Variants in OR10H5 observed in about 807,000 individuals in gnomAD.
OR10H5 encodes the protein olfactory receptor 10H5.
OR10H5 carries 7 observed loss-of-function variants against 12.2 expected under a neutral mutation model. The observed-to-expected ratio is 0.57, with a 90% confidence interval of 0.33 to 1.07. The LOEUF is 1.07. Among genes scored for constraint, OR10H5 ranks in the 50% least tolerant of loss-of-function variants. The pLI, the probability that OR10H5 is intolerant of heterozygous loss-of-function variation, is 0.04. For missense variants in OR10H5, 346 were observed against 411.6 expected, an observed-to-expected ratio of 0.84 and a Z score of 1.38; for synonymous variants, 159 against 175.1, an observed-to-expected ratio of 0.91 and a Z score of 0.73.
Position 15,794,998 on chromosome 19 carries a change from ATGGCTGACTT to A in OR10H5, c.*4_*13del. The A allele has an allele frequency of 1.2e-6, 2 of 1,612,692 alleles. No individual in the cohort carries two copies. The highest frequency in any genetic ancestry group is 1.7e-6 in the Non-Finnish European group (2 of 1,179,262). ...AAACTCTTTCCACAGAACTGCTGAA[ATGGCTGACTT>A]TCTCTCAAGAGATGTAGCGAATGGG... On this transcript the variant is annotated 3_prime_UTR_variant, in exon 2 of 2. Coordinates refer to ENST00000642092, the MANE Select transcript of OR10H5 (RefSeq NM_001004466.2).
intron 1 of OR10H5, among the ~76,000 whole-genome samples, chr19:15,790,963 T>G (rs983981806): frequency 6.6e-6 from 1 of 151,984 alleles, no homozygotes; most frequent in Non-Finnish European, 1.5e-5. Flanking sequence ...AGCTTTCTCA[T>G]AGAAGTAAAA....
chr19:15,794,841 G>C lies in OR10H5; in HGVS notation c.793G>C (p.Gly265Arg). ...FASVIYLKPKGPQSPEGDTLM... is the reference protein window; with the variant it reads ...FASVIYLKPKRPQSPEGDTLM... The stretch of plus-strand genomic sequence containing the variant: ...CTCCGTCATTTACCTGAAGCCCAAA[G>C]GTCCCCAGTCTCCGGAAGGAGACAC... Residue 265 changes from glycine (G) to arginine (R), a missense_variant, in exon 2 of 2, where the codon GGT becomes CGT. Gly to Arg is a moderately radical substitution (Grantham distance 125). Transcript: ENST00000642092. 6.2e-7 allele frequency: 1 copy of C among 1,614,088 alleles called. No homozygotes were observed. The highest frequency in any genetic ancestry group is 8.5e-7 in the Non-Finnish European group (1 of 1,180,016).
intron 1 of OR10H5, among the ~76,000 whole-genome samples, chr19:15,791,605 T>G (rs539241795): frequency 9.9e-5 from 15 of 152,204 alleles, no homozygotes; most frequent in African/African-American, 3.4e-4. Flanking sequence ...TATCATCATG[T>G]CTCACTTCTA....
At chr19:15,788,594 G>GTA (rs2088795029) in intron 1 of OR10H5, among the ~76,000 whole-genome samples, 1 of 152,098 alleles carries the variant, frequency 6.6e-6, no homozygotes, top group African/African-American at 2.4e-5. Context: ...GACCTCCCAG[G>GTA]CTCAACTGAT....
At position 15,796,010 on chromosome 19, in the gene OR10H5, C is replaced by G. The variant is rs944940851; in HGVS notation, c.*1014C>G. The G allele has an allele frequency of 6.6e-6, 1 of 152,246 alleles. No homozygotes were observed. The highest frequency in any genetic ancestry group is 2.4e-5 in the African/African-American group (1 of 41,450). The allele number at this position is 152,246 out of a possible 1,614,324, so 9.4% of individuals were successfully genotyped here. A position where few individuals can be genotyped will look rare whatever the true frequency, so the allele number is the denominator to read the frequency against. On this transcript the variant is annotated 3_prime_UTR_variant, in exon 2 of 2. Coordinates refer to ENST00000642092, the MANE Select transcript of OR10H5 (RefSeq NM_001004466.2). ...CTAGTCTTGAACTCCTGGCCTCAAGCAATCCTGCCATCTCGGCCTCCCCAA... is the reference window on the plus strand; with the variant it reads ...CTAGTCTTGAACTCCTGGCCTCAAGGAATCCTGCCATCTCGGCCTCCCCAA...
intron 1 of OR10H5, among the ~76,000 whole-genome samples, chr19:15,788,734 C>T (rs763687522): frequency 5.3e-5 from 8 of 152,060 alleles, no homozygotes; most frequent in East Asian, 1.9e-4. Context: ...AGCAATCCCC[C>T]GCCCCACCCA....
At position 15,800,019 on chromosome 19, in the gene OR10H5, T is replaced by G. The variant is rs931778000; in HGVS notation, c.*5023T>G. 2.0e-5 allele frequency: 3 copies of G among 152,116 alleles called. No individual in the cohort carries two copies. Among genetic ancestry groups the G allele is most frequent in the Admixed American group, 6.6e-5 (1 of 15,218 alleles). The allele number at this position is 152,116 out of a possible 1,614,324, so 9.4% of individuals were successfully genotyped here. On this transcript the variant is annotated 3_prime_UTR_variant, in exon 2 of 2. Transcript: ENST00000642092. ...ACGCCTGGCCCCTTGCATCTACTCT[T>G]GCTTTTGCCTGTAATACCCTTCCCC...
chr19:15,794,345 T>C lies in OR10H5; in HGVS notation c.297T>C (p.Ser99=), dbSNP rs148732323. The change falls in exon 2 of 2, where the codon AGT becomes AGC. Residue 99 remains serine, a synonymous_variant. Coordinates refer to ENST00000642092, the MANE Select transcript of OR10H5 (RefSeq NM_001004466.2). ...QRSIAFLACA[S]QMFFSFSFGF... ...CCATCGCCTTCCTGGCCTGTGCCAG[T>C]CAGATGTTCTTCTCCTTCAGCTTCG... is the stretch of plus-strand genomic sequence containing the variant. 1.4e-3 allele frequency: 2,206 copies of C among 1,614,112 alleles called. 3 individuals are homozygous for C. The highest frequency in any genetic ancestry group is 1.7e-3 in the Non-Finnish European group (2,031 of 1,180,026).
At chr19:15,789,939 G>T (rs954724222) in intron 1 of OR10H5, among the ~76,000 whole-genome samples, 4 of 151,794 alleles carry the variant, frequency 2.6e-5, no homozygotes, top group Non-Finnish European at 5.9e-5. Flanking sequence ...ACATCACCAC[G>T]CCTGGCTAAT....
At chr19:15,791,694 TA>T (rs1321059455) in intron 1 of OR10H5, among the ~76,000 whole-genome samples, 83 of 148,436 alleles carry the variant, frequency 5.6e-4, no homozygotes, top group Middle Eastern at 3.4e-3. Flanking sequence ...GAATTATTAT[TA>T]TTTTTTTTTT....
chr19:15,792,831 A>T (rs1420694891), intron 1 of OR10H5, among the ~76,000 whole-genome samples: 3 of 152,040 alleles, frequency 2.0e-5, no homozygotes, highest in African/African-American at 7.2e-5. Context: ...GCATAATCTT[A>T]TTAAATCCTC....
At position 15,795,371 on chromosome 19, in the gene OR10H5, G is replaced by T. The variant is rs1345306191; in HGVS notation, c.*375G>T. On this transcript the variant is annotated 3_prime_UTR_variant, in exon 2 of 2. Coordinates refer to ENST00000642092, the MANE Select transcript of OR10H5 (RefSeq NM_001004466.2). Reference sequence around the variant, plus strand: ...GACTGAGTCTCGTTCTGTCACCCAGGTTGGAGTGCGTTGGCACAATCTCGG... The same window carrying T: ...GACTGAGTCTCGTTCTGTCACCCAGTTTGGAGTGCGTTGGCACAATCTCGG... 4.8e-6 allele frequency: 1 copy of T among 208,762 alleles called. No homozygotes were observed. The highest frequency in any genetic ancestry group is 5.3e-5 in the Admixed American group (1 of 18,906). 12.9% of individuals were successfully genotyped at this position (208,762 alleles called of 1,614,324 possible).
chr19:15,793,150 C>T (rs1451839726), intron 1 of OR10H5, among the ~76,000 whole-genome samples: 6 of 152,232 alleles, frequency 3.9e-5, no homozygotes, highest in East Asian at 3.9e-4. Flanking sequence ...GATAGCATCT[C>T]GCTCTATCAC....
chr19:15,796,094 A>G lies in OR10H5; in HGVS notation c.*1098A>G, dbSNP rs535312744. ...GCCAAGTTCTATTCTGAAGATGAGG[A>G]AGCTAAGTTATGAAGAGATTAAGTT... On this transcript the variant is annotated 3_prime_UTR_variant, in exon 2 of 2. Coordinates refer to ENST00000642092, the MANE Select transcript of OR10H5 (RefSeq NM_001004466.2). 8.5e-5 allele frequency: 13 copies of G among 152,320 alleles called. No homozygotes were observed. Among genetic ancestry groups the G allele is most frequent in the African/African-American group, 3.1e-4 (13 of 41,562 alleles). The allele number at this position is 152,320 out of a possible 1,614,324, so 9.4% of individuals were successfully genotyped here. A position where few individuals can be genotyped will look rare whatever the true frequency, so the allele number is the denominator to read the frequency against.
chr19:15,793,109 GTTTGTTTTTGTT>G (rs768712963), intron 1 of OR10H5, among the ~76,000 whole-genome samples: 28 of 152,230 alleles, frequency 1.8e-4, no homozygotes, highest in Admixed American at 9.8e-4. Flanking sequence ...CCTTTACACA[GTTTGTTTTTGTT>G]TTTGTTTTTG....
chr19:15,794,953 T>A lies in OR10H5; in HGVS notation c.905T>A (p.Met302Lys). The A allele has an allele frequency of 6.2e-7, 1 of 1,614,196 alleles. No homozygotes were observed. The highest frequency in any genetic ancestry group is 8.5e-7 in the Non-Finnish European group (1 of 1,180,048). ...SLRNKELKVA[M>K]KKTCFTKLFP... is the part of the protein sequence containing the mutation. ...AGGAACAAGGAGCTGAAGGTCGCCA[T>A]GAAGAAGACTTGCTTCACCAAACTC... Residue 302 changes from methionine to lysine, a missense_variant, in exon 2 of 2, where the codon ATG becomes AAG. Physicochemically the swap from Met to Lys is moderately conservative, Grantham distance 95. Coordinates refer to ENST00000642092, the MANE Select transcript of OR10H5 (RefSeq NM_001004466.2).
Position 15,799,288 on chromosome 19 carries a change from TC to T in OR10H5, c.*4293del, listed in dbSNP as rs1415731928. 7 of 152,108 alleles carry T rather than the reference TC, an allele frequency of 4.6e-5. No homozygotes were observed. The highest frequency in any genetic ancestry group is 1.9e-4 in the East Asian group (1 of 5,198). The allele number at this position is 152,108 out of a possible 1,614,324, so 9.4% of individuals were successfully genotyped here. A position where few individuals can be genotyped will look rare whatever the true frequency, so the allele number is the denominator to read the frequency against. ...AACCTTGCATCTACTCTTTTTTTTT[TC>T]TTCAGAGATTGGGGCATGAAATCTT... On this transcript the variant is annotated 3_prime_UTR_variant, in exon 2 of 2. Transcript: ENST00000642092.
Position 15,795,118 on chromosome 19 carries a change from C to T in OR10H5, c.*122C>T, listed in dbSNP as rs1199521092. 23 of 781,282 alleles carry T rather than the reference C, an allele frequency of 2.9e-5. No individual in the cohort carries two copies. The highest frequency in any genetic ancestry group is 1.8e-4 in the Admixed American group (6 of 33,734). The allele number at this position is 781,282 out of a possible 1,614,324, so 48.4% of individuals were successfully genotyped here. On this transcript the variant is annotated 3_prime_UTR_variant, in exon 2 of 2. Transcript: ENST00000642092. ...CCCTCCCTTCCTTCCTTCTTTCCTTCCTCCCTCCCTCCTTTCCTCCCTCCT... is the reference window on the plus strand; with the variant it reads ...CCCTCCCTTCCTTCCTTCTTTCCTTTCTCCCTCCCTCCTTTCCTCCCTCCT...
rs1374404949 is a variant in OR10H5 at position 15,795,378 on chromosome 19, T to C, written c.*382T>C. 9.7e-6 allele frequency: 2 copies of C among 206,044 alleles called. No homozygotes were observed. The highest frequency in any genetic ancestry group is 1.3e-4 in the East Asian group (1 of 7,448). The allele number at this position is 206,044 out of a possible 1,614,324, so 12.8% of individuals were successfully genotyped here. On this transcript the variant is annotated 3_prime_UTR_variant, in exon 2 of 2. Coordinates refer to ENST00000642092, the MANE Select transcript of OR10H5 (RefSeq NM_001004466.2). The stretch of plus-strand genomic sequence containing the variant: ...TCTCGTTCTGTCACCCAGGTTGGAG[T>C]GCGTTGGCACAATCTCGGCTCACTG...
Sources: gnomAD v4.1 joint callset for allele counts (sites outside exome capture counted in the v4.1 genomes callset) on GRCh38, gnomAD v4.1.1 for gene constraint, MANE v1.5 for transcripts, NCBI Gene and HGNC (gene_info 2026-07-23, HGNC 2026-07-21) for gene names.